The following SYNE2 variants were observed in gnomAD, a reference collection of about 807,000 sequenced individuals.
SYNE2 encodes spectrin repeat containing nuclear envelope protein 2.
A neutral mutation model predicts 856.3 loss-of-function variants in SYNE2; 431 were observed. The observed-to-expected ratio is 0.50, with a 90% CI of 0.47 to 0.55. SYNE2 has a LOEUF of 0.55. SYNE2 is among the 20% of genes least tolerant of loss of function. The pLI, the probability that SYNE2 is intolerant of heterozygous loss-of-function variation, is 0.00. For missense variants in SYNE2, 8,129 were observed against 8,023.2 expected (o/e 1.01, Z -0.50); for synonymous variants, 2,923 against 2,872.3 (o/e 1.02, Z -0.56).
chr14:64,129,955 C>A, intron 75 of SYNE2, 54 bp downstream of exon 75: 1 of 1,613,826 alleles, frequency 6.2e-7, no homozygotes, highest in Non-Finnish European at 8.5e-7. Flanking sequence ...GGAGCCAGAT[C>A]CTTTTCTTCC....
intron 61 of SYNE2, among the ~76,000 whole-genome samples, chr14:64,094,000 GTATTGCCATACTGACA>G (rs1387758492): frequency 6.6e-6 from 1 of 152,186 alleles, no homozygotes; most frequent in Non-Finnish European, 1.5e-5. Context: ...ATTCTAAGCA[GTATTGCCATACTGACA>G]TATTGCCATA....
intron 1 of SYNE2, among the ~76,000 whole-genome samples, chr14:63,800,664 A>T (rs1180532974): frequency 6.6e-6 from 1 of 152,254 alleles, no homozygotes; most frequent in Non-Finnish European, 1.5e-5. Context: ...TTTTGTGGGA[A>T]CATGGATGGA....
At chr14:63,941,636 TA>T in intron 3 of SYNE2, 58 bp from the exon 4 acceptor site, 41 of 1,422,056 alleles carry the variant, frequency 2.9e-5, no homozygotes, top group Non-Finnish European at 4.0e-5. Context: ...ATGAGATTCT[TA>T]AAGGTATTCT....
rs1449830297 is a variant in SYNE2 at position 63,983,899 on chromosome 14, T to A, written c.2151+13T>A. 2.7e-6 allele frequency: 4 copies of A among 1,456,874 alleles called. No homozygotes were observed. Among genetic ancestry groups the A allele is most frequent in the Non-Finnish European group, 3.8e-6 (4 of 1,051,230 alleles). 90.2% of individuals were successfully genotyped at this position (1,456,874 alleles called of 1,614,324 possible). A position where few individuals can be genotyped will look rare whatever the true frequency, so the allele number is the denominator to read the frequency against. ...TCAAAATATAAAGGTAAAATAATCA[T>A]ACTTTGTATATTTCACTTGCAAATA... On this transcript the variant is annotated intron_variant, in intron 18 of 115. Transcript: ENST00000555002.
rs145769165 is a variant in SYNE2, at chr14:64,141,560, C to A, written c.15159+37C>A. ...GAGCCTCAGCATTTGAATTAGCATT[C>A]ACTTGTTAGCTCATAACTCTTTTAA... is the stretch of plus-strand genomic sequence containing the variant. On this transcript the variant is annotated intron_variant, in intron 81 of 115. Transcript: ENST00000555002. 2.5e-6 allele frequency: 4 copies of A among 1,588,918 alleles called. No homozygotes were observed. In the Admixed American group the frequency reaches 6.7e-5, roughly 27 times the overall value.
chr14:63,993,927 G>A lies in SYNE2; in HGVS notation c.2739G>A (p.Met913Ile). The change falls in exon 22 of 116, where the codon ATG becomes ATA. Residue 913 changes from methionine (M) to isoleucine (I), a missense_variant. This residue lies in a region of SYNE2 where 2,422 missense variants were observed against 2,357.4 expected (regional missense o/e 1.03). Transcript: ENST00000555002. ...LKNNVTEDIKMSLEEKSRDVC... is the reference protein window; with the variant it reads ...LKNNVTEDIKISLEEKSRDVC... Reference sequence around the variant, plus strand: ...ATAATGTAACTGAGGACATAAAGATGTCTTTAGAAGAAAAGAGTAGAGATG... The same window carrying A: ...ATAATGTAACTGAGGACATAAAGATATCTTTAGAAGAAAAGAGTAGAGATG... 6.2e-7 allele frequency: 1 copy of A among 1,613,430 alleles called. No individual in the cohort carries two copies. The highest frequency in any genetic ancestry group is 8.5e-7 in the Non-Finnish European group (1 of 1,179,544).
At chr14:63,897,199 G>C (rs2095266232) in intron 1 of SYNE2, among the ~76,000 whole-genome samples, 1 of 152,188 alleles carries the variant, frequency 6.6e-6, no homozygotes, top group Non-Finnish European at 1.5e-5. Context: ...ATTGCAGTGA[G>C]CTGAGCTTGT....
chr14:64,092,147 G>A (rs2097624548), intron 60 of SYNE2, among the ~76,000 whole-genome samples: 2 of 152,154 alleles, frequency 1.3e-5, no homozygotes, highest in African/African-American at 4.8e-5. Flanking sequence ...TCATCCTTTT[G>A]TGCTTTATTA....
chr14:63,787,982 C>G (rs1384754488), intron 1 of SYNE2, among the ~76,000 whole-genome samples: 2 of 152,212 alleles, frequency 1.3e-5, no homozygotes, highest in African/African-American at 4.8e-5. Context: ...AAGCCGCCCT[C>G]AGCCCCCACT....
intron 2 of SYNE2, among the ~76,000 whole-genome samples, chr14:63,935,901 G>C (rs1312254399): frequency 1.3e-5 from 2 of 152,124 alleles, no homozygotes; most frequent in African/African-American, 4.8e-5. Flanking sequence ...TTGAGACGGA[G>C]TCTCGCTCTG....
intron 32 of SYNE2, among the ~76,000 whole-genome samples, chr14:64,015,293 T>C (rs1361850391): frequency 6.6e-6 from 1 of 151,890 alleles, no homozygotes; most frequent in Non-Finnish European, 1.5e-5. Context: ...AGATGTTTGG[T>C]CAAATTCTCT....
upstream of SYNE2, among the ~76,000 whole-genome samples, chr14:63,852,541 A>C (rs909408629): frequency 6.6e-6 from 1 of 152,162 alleles, no homozygotes; most frequent in Admixed American, 6.5e-5. Flanking sequence ...ATACGGATCC[A>C]GATTTTAAAG....
intron 45 of SYNE2, among the ~76,000 whole-genome samples, chr14:64,042,803 A>G (rs568736575): frequency 6.6e-6 from 1 of 152,282 alleles, no homozygotes; most frequent in South Asian, 2.1e-4. Flanking sequence ...CTTTATCAGC[A>G]CCATGAGAAC....
chr14:64,099,033 A>G (rs1429346332), intron 63 of SYNE2: 2 of 563,862 alleles, frequency 3.5e-6, no homozygotes, highest in Admixed American at 2.7e-5. Context: ...TGTAATTCAG[A>G]CACTCTTGTT....
At chr14:63,843,307 A>G (rs144067151) in intron 1 of SYNE2, among the ~76,000 whole-genome samples, 202 of 152,212 alleles carry the variant, frequency 1.3e-3, no homozygotes, top group Non-Finnish European at 2.3e-3. Context: ...AGGGCTCTCA[A>G]AGTGCTGGGA....
intron 1 of SYNE2, among the ~76,000 whole-genome samples, chr14:63,828,858 GT>G (rs748032277): frequency 6.6e-6 from 1 of 152,118 alleles, no homozygotes; most frequent in Non-Finnish European, 1.5e-5. Context: ...ATCATCGTGT[GT>G]TTCTGAAACC....
intron 6 of SYNE2, among the ~76,000 whole-genome samples, chr14:63,948,800 A>G (rs779425309): frequency 0.035 from 3,524 of 100,736 alleles, 304 homozygotes; most frequent in African/African-American, 0.097. Flanking sequence ...ATATATATAT[A>G]TATATATATA....
At chr14:63,940,547 C>T in intron 2 of SYNE2, 67 bp from the exon 3 acceptor site, 1 of 1,424,258 alleles carries the variant, frequency 7.0e-7, no homozygotes. Context: ...ACCTTTGAAG[C>T]TCTGATATGT....
intron 1 of SYNE2, among the ~76,000 whole-genome samples, chr14:63,866,725 G>A (rs2140286578): frequency 6.6e-6 from 1 of 152,152 alleles, no homozygotes; most frequent in Non-Finnish European, 1.5e-5. Flanking sequence ...TGAAATCCCA[G>A]CACTTGGAGG....
Sources: allele counts gnomAD v4.1 joint callset (sites outside exome capture counted in the v4.1 genomes callset), GRCh38; gene constraint gnomAD v4.1.1; regional missense constraint gnomAD v4.1.1; transcripts MANE v1.5; gene names NCBI Gene and HGNC (gene_info 2026-07-23, HGNC 2026-07-21).